Variants in WDR47 observed in about 807,000 individuals in gnomAD.
WDR47 encodes WD repeat-containing protein 47.
WDR47 carries 32 observed loss-of-function variants against 97.2 expected under a neutral mutation model. That is an observed-to-expected ratio of 0.33 (90% CI 0.25 to 0.44). The LOEUF is 0.44. WDR47 is among the 20% of genes least tolerant of loss of function. The pLI is 1.00. For synonymous variants in WDR47, 375 were observed against 373.5 expected, an observed-to-expected ratio of 1.00 and a Z score of -0.05; for missense variants, 782 against 1,102.3, an observed-to-expected ratio of 0.71 and a Z score of 4.11.
At chr1:109,002,866 T>A (rs1361100105) in intron 6 of WDR47, among the ~76,000 whole-genome samples, 1 of 152,184 alleles carries the variant, frequency 6.6e-6, no homozygotes, top group Non-Finnish European at 1.5e-5. Flanking sequence ...AAAAAGGGAA[T>A]GTTTACACAC....
intron 10 of WDR47, among the ~76,000 whole-genome samples, chr1:108,983,918 G>A (rs985529581): frequency 8.5e-5 from 13 of 152,214 alleles, no homozygotes; most frequent in African/African-American, 2.9e-4. Flanking sequence ...ATATTGTCAT[G>A]AGACTACCCA....
chr1:109,020,084 A>T (rs1475777864), intron 2 of WDR47, among the ~76,000 whole-genome samples: 2 of 130,088 alleles, frequency 1.5e-5, no homozygotes, highest in East Asian at 1.9e-4. Context: ...CTACCTTTAT[A>T]AAAAAAAAAT....
intron 7 of WDR47, among the ~76,000 whole-genome samples, chr1:108,998,961 T>C (rs1444252047): frequency 6.6e-6 from 1 of 152,080 alleles, no homozygotes; most frequent in Non-Finnish European, 1.5e-5. Flanking sequence ...GGGCCAGGCA[T>C]GAGCCTGTAA....
chr1:109,020,544 G>A (rs886566387), intron 2 of WDR47, among the ~76,000 whole-genome samples: 3 of 152,076 alleles, frequency 2.0e-5, no homozygotes, highest in Non-Finnish European at 4.4e-5. Flanking sequence ...TTACAGGCGT[G>A]AGCCACTGTG....
rs753152261 is a variant in WDR47 at position 109,023,473 on chromosome 1, T to C, written c.40A>G (p.Ile14Val). 20 of 1,613,578 alleles carry C rather than the reference T, an allele frequency of 1.2e-5. No individual in the cohort carries two copies. The Middle Eastern group carries it at 4.9e-4, about 40-fold the overall frequency. Residue 14 changes from isoleucine to valine, a missense_variant, in exon 2 of 15, where the codon ATC becomes GTC. Ile to Val is a conservative substitution (Grantham distance 29, BLOSUM62 3). Around this residue, in one of 3 missense-constraint regions of WDR47, gnomAD observed 428 missense variants for 584.3 expected, o/e 0.73. Transcript: ENST00000369962. ...AGGAAGTCCAAAATTAGCTTAATGA[T>C]TTCAACCTCTTTTACATTCACTGTT... ...EETVNVKEVE[I>V]IKLILDFLNS...
intron 1 of WDR47, among the ~76,000 whole-genome samples, chr1:109,033,585 G>C (rs1186093758): frequency 6.6e-6 from 1 of 152,196 alleles, no homozygotes; most frequent in Non-Finnish European, 1.5e-5. Flanking sequence ...ATCTAGTTTT[G>C]GCAAGAGTGT....
At chr1:109,017,088 G>A (rs1012481932) in intron 3 of WDR47, among the ~76,000 whole-genome samples, 3 of 152,116 alleles carry the variant, frequency 2.0e-5, no homozygotes, top group Non-Finnish European at 4.4e-5. Flanking sequence ...ACATCAGCCT[G>A]GTGGTAGAAC....
intron 8 of WDR47, among the ~76,000 whole-genome samples, chr1:108,993,336 A>AG (rs1659511690): frequency 6.6e-6 from 1 of 152,106 alleles, no homozygotes; most frequent in Non-Finnish European, 1.5e-5. Context: ...AAAAAAAAAA[A>AG]AAGACAATGA....
intron 9 of WDR47, among the ~76,000 whole-genome samples, chr1:108,987,674 G>T (rs1333108611): frequency 6.7e-6 from 1 of 148,672 alleles, no homozygotes. Flanking sequence ...CACTGTGTTG[G>T]CCAGGCTGGT....
intron 6 of WDR47, among the ~76,000 whole-genome samples, chr1:109,003,341 C>A (rs973943860): frequency 6.6e-6 from 1 of 152,010 alleles, no homozygotes; most frequent in African/African-American, 2.4e-5. Flanking sequence ...TGGTGCATAT[C>A]CATGTACTTT....
chr1:109,004,778 T>C (rs1198632797), intron 5 of WDR47, 63 bp from the exon 6 acceptor site: 4 of 1,504,240 alleles, frequency 2.7e-6, no homozygotes, highest in Admixed American at 2.3e-5. Context: ...AAATATATTT[T>C]AGTTAGAGAA....
chr1:109,037,092 G>T (rs1024219368), intron 1 of WDR47, among the ~76,000 whole-genome samples: 7 of 152,140 alleles, frequency 4.6e-5, no homozygotes, highest in African/African-American at 1.4e-4. Context: ...CACTTTGGGA[G>T]GCCGAGGCAG....
chr1:109,003,113 A>G (rs1660336339), intron 6 of WDR47, among the ~76,000 whole-genome samples: 1 of 152,198 alleles, frequency 6.6e-6, no homozygotes, highest in African/African-American at 2.4e-5. Context: ...TCAGAAGGAT[A>G]CGTATTCTGC....
chr1:109,014,143 C>T (rs1319464355), intron 3 of WDR47, among the ~76,000 whole-genome samples: 1 of 151,980 alleles, frequency 6.6e-6, no homozygotes, highest in Non-Finnish European at 1.5e-5. Context: ...AACAACAATC[C>T]AATTTTTATG....
At chr1:108,995,476 T>G in intron 8 of WDR47, 104 bp downstream of exon 8, 1 of 1,391,102 alleles carries the variant, frequency 7.2e-7, no homozygotes, top group Non-Finnish European at 9.8e-7. Flanking sequence ...TGGTAGGCAG[T>G]AAGCTCTAAA....
At chr1:109,036,241 G>A (rs184549019) in intron 1 of WDR47, among the ~76,000 whole-genome samples, 5 of 151,916 alleles carry the variant, frequency 3.3e-5, no homozygotes, top group East Asian at 1.9e-4. Flanking sequence ...TCCCACTCCC[G>A]TCATCCTCCT....
In WDR47 at chr1:108,983,446, T is replaced by C. The variant is rs1571147935; in HGVS notation, c.1931A>G (p.His644Arg). The C allele has an allele frequency of 1.9e-6, 3 of 1,568,266 alleles. No individual in the cohort carries two copies. The African/African-American group carries it at 4.1e-5, about 22-fold the overall frequency. The change falls in exon 11 of 15, where the codon CAT becomes CGT. Residue 644 changes from histidine to arginine, a missense_variant. Physicochemically the swap from His to Arg is conservative, Grantham distance 29. This residue lies in a region of WDR47 where 228 missense variants were observed against 396.7 expected (regional missense o/e 0.57). Transcript: ENST00000369962. ...TACCACCGGCTGCTTAGGAGTCTCATGTGCACTGAAAAGAAAAATTACAGA... is the reference window on the plus strand; with the variant it reads ...TACCACCGGCTGCTTAGGAGTCTCACGTGCACTGAAAAGAAAAATTACAGA... ...AYPDVIDPSA[H>R]ETPKQPVVRF...
rs541662709 is a variant in WDR47, at chr1:108,982,595, C to G, written c.2266+14G>C. ...ACAAAAAGAAAAACAGCACTTGAAA[C>G]TGATATTACATACCAGTATGTCCAC... On this transcript the variant is annotated intron_variant, in intron 12 of 14. Transcript: ENST00000369962. 3 of 1,566,200 alleles carry G rather than the reference C, an allele frequency of 1.9e-6. No homozygotes were observed. In the African/African-American group the frequency reaches 4.2e-5, roughly 22 times the overall value.
chr1:109,007,992 C>T (rs1660744614), intron 5 of WDR47, among the ~76,000 whole-genome samples: 2 of 152,014 alleles, frequency 1.3e-5, no homozygotes, highest in African/African-American at 2.4e-5. Flanking sequence ...ATCCCAGCTA[C>T]TTGAGAGGCT....
Sources: gnomAD v4.1 joint callset for allele counts (sites outside exome capture counted in the v4.1 genomes callset) on GRCh38, gnomAD v4.1.1 for gene constraint, gnomAD v4.1.1 regional missense constraint, MANE v1.5 for transcripts, NCBI Gene and HGNC (gene_info 2026-07-23, HGNC 2026-07-21) for gene names.